The following NAALADL2 variants were observed in gnomAD, a reference collection of about 807,000 sequenced individuals.
NAALADL2 encodes inactive N-acetylated-alpha-linked acidic dipeptidase-like protein 2.
Under a neutral mutation model 87.2 loss-of-function variants are expected in NAALADL2, and 76 were observed. That is an observed-to-expected ratio of 0.87 (90% CI 0.72 to 1.05). NAALADL2 has a LOEUF of 1.05. Among genes scored for constraint, NAALADL2 ranks in the 50% least tolerant of loss-of-function variants. The pLI is 0.00. For missense variants in NAALADL2, 1,089 were observed against 945.8 expected, an observed-to-expected ratio of 1.15 and a Z score of -1.99; for synonymous variants, 354 against 331.0, an observed-to-expected ratio of 1.07 and a Z score of -0.75.
At chr3:174,971,374 G>A (rs1400340910) in intron 1 of NAALADL2, among the ~76,000 whole-genome samples, 1 of 152,130 alleles carries the variant, frequency 6.6e-6, no homozygotes, top group Non-Finnish European at 1.5e-5. Context: ...GTGTCCTTAA[G>A]CATTTGCTTT....
At chr3:175,338,421 G>A (rs1355199387) in intron 5 of NAALADL2, among the ~76,000 whole-genome samples, 1 of 151,708 alleles carries the variant, frequency 6.6e-6, no homozygotes, top group Non-Finnish European at 1.5e-5. Flanking sequence ...GCCAAGATTT[G>A]CATGAGAATA....
At position 174,882,714 on chromosome 3, in the gene NAALADL2, CAT is replaced by C. The variant is rs201416444; in HGVS notation, c.43+23269_43+23270del. Among the ~76,000 whole-genome samples the C allele has an allele frequency of 4.3e-3, 573 of 133,788 alleles. 3 individuals are homozygous for C. Among genetic ancestry groups the C allele is most frequent in the Middle Eastern group, 0.027 (6 of 222 alleles). The allele number at this position is 133,788 out of a possible 152,430, so 87.8% of individuals were successfully genotyped here. A position where few individuals can be genotyped will look rare whatever the true frequency, so the allele number is the denominator to read the frequency against. On this transcript the variant is annotated intron_variant, in intron 1 of 13. Transcript: ENST00000454872. The stretch of plus-strand genomic sequence containing the variant: ...CCGTGTATATACATGTGTATCTACA[CAT>C]ATATGTGTATATGTGTATCTATGTG...
intron 1 of NAALADL2, among the ~76,000 whole-genome samples, chr3:174,963,073 C>G (rs1288273775): frequency 6.6e-6 from 1 of 151,924 alleles, no homozygotes; most frequent in Non-Finnish European, 1.5e-5. Flanking sequence ...TATCTGCTGT[C>G]ATTTGAATCC....
Position 175,365,710 on chromosome 3 carries a change from T to C in NAALADL2, c.1090+41385T>C, listed in dbSNP as rs187385756. 4.5e-3 allele frequency among the ~76,000 whole-genome samples: 666 copies of C among 147,236 alleles called. 67 individuals are homozygous for C. Among genetic ancestry groups the C allele is most frequent in the Middle Eastern group, 0.014 (4 of 288 alleles). ...TTTGAAATTGTATGACCTAAAAAAATCTGAGATACATAGGATCCAAGACAT... is the reference window on the plus strand; with the variant it reads ...TTTGAAATTGTATGACCTAAAAAAACCTGAGATACATAGGATCCAAGACAT... On this transcript the variant is annotated intron_variant, in intron 5 of 13. Coordinates refer to ENST00000454872, the MANE Select transcript of NAALADL2 (RefSeq NM_207015.3).
At chr3:175,508,131 G>C (rs958459189) in intron 9 of NAALADL2, among the ~76,000 whole-genome samples, 4 of 152,144 alleles carry the variant, frequency 2.6e-5, no homozygotes, top group Non-Finnish European at 4.4e-5. Flanking sequence ...TAAACCACCA[G>C]ATCTCACATG....
intron 4 of NAALADL2, among the ~76,000 whole-genome samples, chr3:175,317,711 A>G (rs966541309): frequency 2.0e-5 from 3 of 152,214 alleles, no homozygotes; most frequent in East Asian, 3.9e-4. Flanking sequence ...AGCCCAAATC[A>G]TACAGAAATA....
intron 1 of NAALADL2, among the ~76,000 whole-genome samples, chr3:175,045,578 A>G (rs1411775740): frequency 6.6e-6 from 1 of 152,168 alleles, no homozygotes; most frequent in East Asian, 1.9e-4. Flanking sequence ...ATACTGGAAG[A>G]AGACATGAGA....
intron 3 of NAALADL2, among the ~76,000 whole-genome samples, chr3:174,840,074 C>T (rs976326859): frequency 6.6e-6 from 1 of 151,616 alleles, no homozygotes; most frequent in South Asian, 2.1e-4. Context: ...CAGCACAATT[C>T]GTAATTACAA....
At chr3:174,735,151 T>G (rs536996770) in intron 2 of NAALADL2, among the ~76,000 whole-genome samples, 38 of 152,324 alleles carry the variant, frequency 2.5e-4, no homozygotes, top group Admixed American at 1.2e-3. Flanking sequence ...TCATAATTCA[T>G]AGCATTATTA....
chr3:175,413,567 C>CAAAA (rs766955477), intron 5 of NAALADL2, among the ~76,000 whole-genome samples: 68,832 of 132,386 alleles, frequency 0.52, 19,463 homozygotes, highest in South Asian at 0.62. Context: ...GAGACTCCAT[C>CAAAA]AAAAAAAAAA....
At chr3:175,490,283 G>A (rs1371311821) in intron 9 of NAALADL2, among the ~76,000 whole-genome samples, 1 of 152,106 alleles carries the variant, frequency 6.6e-6, no homozygotes, top group East Asian at 1.9e-4. Flanking sequence ...ATCAATTCTT[G>A]CCCACTTTAG....
chr3:174,816,035 A>T (rs1374407069), intron 3 of NAALADL2, among the ~76,000 whole-genome samples: 1 of 151,948 alleles, frequency 6.6e-6, no homozygotes, highest in East Asian at 1.9e-4. Context: ...AGACATTTGG[A>T]TCCCTAAATT....
chr3:175,791,280 ATTTTT>A (rs1370488434), intron 13 of NAALADL2, among the ~76,000 whole-genome samples: 1 of 152,052 alleles, frequency 6.6e-6, no homozygotes, highest in Non-Finnish European at 1.5e-5. Flanking sequence ...ATTTTATTTT[ATTTTT>A]GAGTGCCTGA....
intron 1 of NAALADL2, among the ~76,000 whole-genome samples, chr3:174,450,016 TACATAC>T (rs973536120): frequency 1.5e-5 from 2 of 135,692 alleles, no homozygotes; most frequent in Non-Finnish European, 3.2e-5. Flanking sequence ...ACACAACACA[TACATAC>T]ACACACACAC....
chr3:174,603,579 G>A (rs1718666458), intron 2 of NAALADL2, among the ~76,000 whole-genome samples: 1 of 150,874 alleles, frequency 6.6e-6, no homozygotes, highest in Non-Finnish European at 1.5e-5. Flanking sequence ...TATCTTTTAT[G>A]TATTTTTTCC....
chr3:175,287,563 G>C (rs976290388), intron 4 of NAALADL2, among the ~76,000 whole-genome samples: 2 of 152,218 alleles, frequency 1.3e-5, no homozygotes, highest in African/African-American at 4.8e-5. Context: ...GATGATGACT[G>C]TGGGAGTTTG....
chr3:175,588,529 C>CTTTTTT (rs1430802993), intron 10 of NAALADL2, among the ~76,000 whole-genome samples: 150 of 94,418 alleles, frequency 1.6e-3, no homozygotes, highest in African/African-American at 5.6e-3. Flanking sequence ...TTCTTTCTTT[C>CTTTTTT]TTTTCTTTTT....
chr3:175,685,724 T>G (rs921302217), intron 11 of NAALADL2, among the ~76,000 whole-genome samples: 7 of 152,046 alleles, frequency 4.6e-5, no homozygotes, highest in East Asian at 1.9e-4. Context: ...CTGGAAAAGC[T>G]GATGTTTCTG....
intron 5 of NAALADL2, among the ~76,000 whole-genome samples, chr3:175,334,645 C>T (rs1352618554): frequency 1.3e-5 from 2 of 151,918 alleles, no homozygotes; most frequent in Non-Finnish European, 2.9e-5. Context: ...GTTTTTTTCC[C>T]CACTTGAAAG....
Sources: gnomAD v4.1 joint callset for allele counts (sites outside exome capture counted in the v4.1 genomes callset) on GRCh38, gnomAD v4.1.1 for gene constraint, MANE v1.5 for transcripts, NCBI Gene and HGNC (gene_info 2026-07-23, HGNC 2026-07-21) for gene names.